Variants in ITPRID1 observed in about 807,000 individuals in gnomAD.
ITPRID1 encodes the protein protein ITPRID1.
ITPRID1 carries 96 observed loss-of-function variants against 95.4 expected under a neutral mutation model. The ratio of observed to expected loss-of-function variants is 1.01; its 90% CI spans 0.85 to 1.19. ITPRID1 has a LOEUF of 1.19. ITPRID1 is among the 50% of genes most tolerant of loss of function. The probability of loss-of-function intolerance (pLI) is 0.00; values close to 1 mark genes in which losing one functional copy is unlikely to be tolerated. For missense variants in ITPRID1, 1,339 were observed against 1,252.9 expected, an observed-to-expected ratio of 1.07 and a Z score of -1.04; for synonymous variants, 510 against 453.6, an observed-to-expected ratio of 1.12 and a Z score of -1.58.
At position 31,652,670 on chromosome 7, in the gene ITPRID1, GGCTCCCT is replaced by G; in HGVS notation, c.2978_2984del (p.Ala993ValfsTer31). The G allele has an allele frequency of 6.2e-7, 1 of 1,613,888 alleles. No individual in the cohort carries two copies. The highest frequency in any genetic ancestry group is 1.3e-5 in the African/African-American group (1 of 75,034). On this transcript the variant is annotated frameshift_variant, in exon 15 of 15. Transcript: ENST00000615280. LOFTEE classifies it low-confidence loss of function (END_TRUNC). The stretch of plus-strand genomic sequence containing the variant: ...TGTTTCCTCCCGATGATGGCCAGGA[GGCTCCCT>G]GTTCAGGTGGGACCCAGTTGGCTGC...
chr7:31,599,690 C>CTCTCTT (rs1180791810), intron 10 of ITPRID1, among the ~76,000 whole-genome samples: 7,565 of 106,446 alleles, frequency 0.071, 689 homozygotes, highest in Middle Eastern at 0.1. Flanking sequence ...CTCTCTCTCT[C>CTCTCTT]TCTTTCTTTC....
downstream of ITPRID1, chr7:31,658,144 T>C (rs2128224409): frequency 2.9e-6 from 2 of 688,740 alleles, no homozygotes; most frequent in Non-Finnish European, 4.3e-6. Flanking sequence ...AGGGTTGCTC[T>C]GAACCACAGT....
At position 31,649,617 on chromosome 7, in the gene ITPRID1, G is replaced by A. The variant is rs117208957; in HGVS notation, c.2584-1525G>A. Among the ~76,000 whole-genome samples the A allele has an allele frequency of 4.4e-3, 669 of 152,318 alleles. 9 individuals are homozygous for A. The highest frequency in any genetic ancestry group is 6.8e-3 in the Middle Eastern group (2 of 294). On this transcript the variant is annotated intron_variant, in intron 12 of 14. Coordinates refer to ENST00000615280, the MANE Select transcript of ITPRID1 (RefSeq NM_001257967.3). ...GCCTCTGCTACACTGATTTTGGGAA[G>A]GGGTCCAAGCCTGTGGGTCTGATAG...
At position 31,643,691 on chromosome 7, in the gene ITPRID1, A is replaced by G. The variant is rs952363347; in HGVS notation, c.2321A>G (p.His774Arg). 1.9e-5 allele frequency: 31 copies of G among 1,614,036 alleles called. No homozygotes were observed. Among genetic ancestry groups the G allele is most frequent in the Non-Finnish European group, 2.4e-5 (28 of 1,179,906 alleles). ...TSALSNKTLT[H>R]GPQPLTKSVS... ...GCTCTAAGCAACAAGACCTTGACAC[A>G]TGGGCCCCAGCCCCTCACCAAATCC... The change falls in exon 12 of 15, where the codon CAT becomes CGT. Residue 774 changes from histidine to arginine, a missense_variant. His to Arg is a conservative substitution (Grantham distance 29, BLOSUM62 0). Coordinates refer to ENST00000615280, the MANE Select transcript of ITPRID1 (RefSeq NM_001257967.3).
intron 10 of ITPRID1, among the ~76,000 whole-genome samples, chr7:31,635,291 G>A (rs762345156): frequency 6.6e-6 from 1 of 152,150 alleles, no homozygotes; most frequent in Non-Finnish European, 1.5e-5. Flanking sequence ...TAAAGAGAAA[G>A]GATTTTTAGC....
chr7:31,640,969 A>G (rs1021492796), intron 10 of ITPRID1, among the ~76,000 whole-genome samples: 1 of 152,144 alleles, frequency 6.6e-6, no homozygotes, highest in African/African-American at 2.4e-5. Context: ...ATTATACAAA[A>G]TTGAGCCATT....
chr7:31,578,383 G>C lies in ITPRID1; in HGVS notation c.1119G>C (p.Lys373Asn). The C allele has an allele frequency of 6.2e-7, 1 of 1,613,532 alleles. No individual in the cohort carries two copies. Among genetic ancestry groups the C allele is most frequent in the Non-Finnish European group, 8.5e-7 (1 of 1,179,668 alleles). Reference sequence around the variant, plus strand: ...ACTTATTTCAGACTAACAAGCTCAAGAGCTTGTCTCATCTTGCAGGCAAAG... The same window carrying C: ...ACTTATTTCAGACTAACAAGCTCAACAGCTTGTCTCATCTTGCAGGCAAAG... ...KENLFQTNKLKSLSHLAGKGP... is the reference protein window; with the variant it reads ...KENLFQTNKLNSLSHLAGKGP... The change falls in exon 9 of 15, where the codon AAG becomes AAC. Residue 373 changes from lysine to asparagine, a missense_variant. Lys to Asn is a moderately conservative substitution (Grantham distance 94). Transcript: ENST00000615280.
In ITPRID1 at chr7:31,599,639, TTC is replaced by T. The variant is rs1290799402; in HGVS notation, c.1228+16450_1228+16451del. The stretch of plus-strand genomic sequence containing the variant: ...TTTCTTTCTTTCTTTCTTTCTTTCT[TTC>T]TTTCTTTTTCTTTCTTTCCTTTCTC... On this transcript the variant is annotated intron_variant, in intron 10 of 14. Coordinates refer to ENST00000615280, the MANE Select transcript of ITPRID1 (RefSeq NM_001257967.3). 6.2e-3 allele frequency among the ~76,000 whole-genome samples: 299 copies of T among 48,512 alleles called. 3 individuals are homozygous for T. The highest frequency in any genetic ancestry group is 0.019 in the Middle Eastern group (2 of 104). 31.8% of individuals were successfully genotyped at this position (48,512 alleles called of 152,430 possible). A position where few individuals can be genotyped will look rare whatever the true frequency, so the allele number is the denominator to read the frequency against.
At chr7:31,551,328 A>G (rs1784279599) in intron 2 of ITPRID1, among the ~76,000 whole-genome samples, 1 of 143,564 alleles carries the variant, frequency 7.0e-6, no homozygotes, top group Non-Finnish European at 1.6e-5. Context: ...GTGAGTTTTT[A>G]AAGGTTATTT....
At chr7:31,598,102 T>G (rs1252305282) in intron 10 of ITPRID1, among the ~76,000 whole-genome samples, 1 of 152,140 alleles carries the variant, frequency 6.6e-6, no homozygotes, top group Non-Finnish European at 1.5e-5. Flanking sequence ...TACCCAGAGA[T>G]AAATTCCAAG....
intron 10 of ITPRID1, among the ~76,000 whole-genome samples, chr7:31,630,838 A>G (rs987759535): frequency 6.6e-6 from 1 of 152,150 alleles, no homozygotes; most frequent in Non-Finnish European, 1.5e-5. Context: ...TATGTCAATG[A>G]AAACAAAAAG....
chr7:31,583,283 A>AT lies in ITPRID1; in HGVS notation c.1228+94dup, dbSNP rs544580180. 9.8e-4 allele frequency: 847 copies of AT among 860,986 alleles called. 4 individuals carry two copies. Among genetic ancestry groups the AT allele is most frequent in the African/African-American group, 5.5e-3 (322 of 58,756 alleles). The allele number at this position is 860,986 out of a possible 1,614,324, so 53.3% of individuals were successfully genotyped here. A position where few individuals can be genotyped will look rare whatever the true frequency, so the allele number is the denominator to read the frequency against. On this transcript the variant is annotated intron_variant, in intron 10 of 14. Coordinates refer to ENST00000615280, the MANE Select transcript of ITPRID1 (RefSeq NM_001257967.3). The stretch of plus-strand genomic sequence containing the variant: ...ATTTCTTAATATGTACAGAGCTTAA[A>AT]TTATCTCTAGAAGGTACTCTAAATT...
intron 1 of ITPRID1, among the ~76,000 whole-genome samples, chr7:31,519,626 A>ATATATG (rs1429272610): frequency 1.3e-5 from 1 of 76,832 alleles, no homozygotes; most frequent in African/African-American, 4.3e-5. Context: ...CTCTCTATAT[A>ATATATG]TATATATATA....
chr7:31,534,160 C>T (rs552025603), intron 1 of ITPRID1, among the ~76,000 whole-genome samples: 1 of 152,308 alleles, frequency 6.6e-6, no homozygotes, highest in East Asian at 1.9e-4. Flanking sequence ...ACCTCCACAA[C>T]CCTCCTTCCA....
chr7:31,631,847 G>A (rs116620642), intron 10 of ITPRID1, among the ~76,000 whole-genome samples: 1 of 152,174 alleles, frequency 6.6e-6, no homozygotes, highest in Non-Finnish European at 1.5e-5. Context: ...CTTGTCTCAG[G>A]ATTATTTTCA....
intron 10 of ITPRID1, among the ~76,000 whole-genome samples, chr7:31,610,475 TTTA>T (rs1436752500): frequency 6.6e-6 from 1 of 151,710 alleles, no homozygotes; most frequent in East Asian, 1.9e-4. Flanking sequence ...AACATTTCAA[TTTA>T]TTATTATTGT....
chr7:31,568,541 T>C (rs1784876793), intron 5 of ITPRID1, among the ~76,000 whole-genome samples: 1 of 152,238 alleles, frequency 6.6e-6, no homozygotes, highest in South Asian at 2.1e-4. Flanking sequence ...TAAGCGGAAA[T>C]AAGAACACTG....
Position 31,569,786 on chromosome 7 carries a change from A to G in ITPRID1, c.285A>G (p.Gln95=). ...CTTTGTATGAACAAGGGATGGTTCA[A>G]ATGACTGTGAAAGACTACATGAGGT... ...TVSLYEQGMV[Q]MTVKDYMRSL... The change falls in exon 6 of 15, where the codon CAA becomes CAG. Residue 95 remains glutamine, a synonymous_variant. Transcript: ENST00000615280. 1 of 1,587,208 alleles carries G rather than the reference A, an allele frequency of 6.3e-7. No homozygotes were observed. Among genetic ancestry groups the G allele is most frequent in the Non-Finnish European group, 8.6e-7 (1 of 1,165,490 alleles).
chr7:31,596,651 T>C (rs1168606946), intron 10 of ITPRID1, among the ~76,000 whole-genome samples: 1 of 151,600 alleles, frequency 6.6e-6, no homozygotes, highest in African/African-American at 2.4e-5. Flanking sequence ...AAAAAATATT[T>C]CCCTATCATC....
Sources: allele counts gnomAD v4.1 joint callset (sites outside exome capture counted in the v4.1 genomes callset), GRCh38; gene constraint gnomAD v4.1.1; transcripts MANE v1.5; gene names NCBI Gene and HGNC (gene_info 2026-07-23, HGNC 2026-07-21).